VSX2: variants seen among roughly 807,000 people sequenced by gnomAD.
The protein encoded by VSX2 is ceh-10 homeo domain containing homolog.
A neutral mutation model predicts 32.1 loss-of-function variants in VSX2; 28 were observed. The ratio of observed to expected loss-of-function variants is 0.87; its 90% CI spans 0.65 to 1.20. VSX2 has a LOEUF of 1.20. VSX2 is among the 50% of genes most tolerant of loss of function. The probability of loss-of-function intolerance (pLI) is 0.00; values close to 1 mark genes in which losing one functional copy is unlikely to be tolerated. For synonymous variants in VSX2, 243 were observed against 214.1 expected (o/e 1.14, Z -1.18); for missense variants, 506 against 488.7 (o/e 1.04, Z -0.33).
At chr14:74,247,878 A>G (rs2079202451) in intron 3 of VSX2, among the ~76,000 whole-genome samples, 1 of 151,966 alleles carries the variant, frequency 6.6e-6, no homozygotes, top group Non-Finnish European at 1.5e-5. Context: ...CATGAATTCA[A>G]GAGGGTGAAA....
At chr14:74,260,311 G>C (rs1027338668) in intron 4 of VSX2, among the ~76,000 whole-genome samples, 1 of 152,198 alleles carries the variant, frequency 6.6e-6, no homozygotes, top group Non-Finnish European at 1.5e-5. Flanking sequence ...AATCCCATGG[G>C]GGAGGGACAG....
intron 3 of VSX2, among the ~76,000 whole-genome samples, chr14:74,250,872 C>T (rs1028203666): frequency 1.3e-5 from 2 of 151,862 alleles, no homozygotes; most frequent in Non-Finnish European, 2.9e-5. Context: ...TAGTCTCGAT[C>T]TCTTGACCTC....
chr14:74,245,456 G>T (rs2079186404), intron 3 of VSX2, among the ~76,000 whole-genome samples, 168 bp downstream of exon 3: 1 of 152,062 alleles, frequency 6.6e-6, no homozygotes, highest in Admixed American at 6.5e-5. Flanking sequence ...CACATGAGGT[G>T]GGTGCTGTCG....
chr14:74,244,678 A>G (rs575348397), intron 2 of VSX2, among the ~76,000 whole-genome samples: 6 of 151,594 alleles, frequency 4.0e-5, no homozygotes, highest in Admixed American at 6.6e-5. Context: ...GCTTGGGAGG[A>G]AGAGGGGCTT....
intron 3 of VSX2, among the ~76,000 whole-genome samples, chr14:74,253,308 C>CAGGAAAGTGAG: frequency 6.6e-6 from 1 of 152,026 alleles, no homozygotes; most frequent in South Asian, 2.1e-4. Context: ...AGTGAGCGGT[C>CAGGAAAGTGAG]AGGAAAGTGA....
chr14:74,260,116 AAC>A (rs1230509325), intron 4 of VSX2, among the ~76,000 whole-genome samples: 1 of 152,080 alleles, frequency 6.6e-6, no homozygotes, highest in Non-Finnish European at 1.5e-5. Flanking sequence ...TATTGAACAA[AAC>A]AGTCTTCCCT....
In VSX2 at chr14:74,252,037, T is replaced by C. The variant is rs562873232; in HGVS notation, c.579+6749T>C. Among the ~76,000 whole-genome samples the C allele has an allele frequency of 2.6e-5, 4 of 152,322 alleles. No individual in the cohort carries two copies. The East Asian group carries it at 7.7e-4, about 29-fold the overall frequency. Reference sequence around the variant, plus strand: ...CAGGAGGTATTTAGGAGGGCGATCCTGGAAGGACTGCAGAGGGTCTCCTGG... The same window carrying C: ...CAGGAGGTATTTAGGAGGGCGATCCCGGAAGGACTGCAGAGGGTCTCCTGG... On this transcript the variant is annotated intron_variant, in intron 3 of 4. Transcript: ENST00000261980.
intron 3 of VSX2, among the ~76,000 whole-genome samples, chr14:74,252,632 A>C (rs1405663477): frequency 6.6e-6 from 1 of 150,908 alleles, no homozygotes; most frequent in African/African-American, 2.4e-5. Context: ...CTTGTGATCC[A>C]CCCGACTCGG....
At chr14:74,259,501 C>G in intron 3 of VSX2, 101 bp from the exon 4 acceptor site, 2 of 1,466,314 alleles carry the variant, frequency 1.4e-6, no homozygotes, top group South Asian at 1.2e-5. Context: ...AGGTTAAGGA[C>G]GCCCTGCTGG....
intron 3 of VSX2, among the ~76,000 whole-genome samples, chr14:74,246,885 G>A (rs1472465756): frequency 6.6e-6 from 1 of 152,076 alleles, no homozygotes; most frequent in Non-Finnish European, 1.5e-5. Flanking sequence ...TTGGGGGCAG[G>A]CTCTCCCTCA....
chr14:74,241,205 G>T lies in VSX2; in HGVS notation c.394G>T (p.Asp132Tyr). The change falls in exon 2 of 5, where the codon GAT (aspartate) becomes TAT (tyrosine). Residue 132 changes from aspartate (D) to tyrosine (Y), a missense_variant. By Grantham distance (160) the Asp-to-Tyr change is radical (BLOSUM62 -3). Transcript: ENST00000261980. ...SSDSEDVSSS[D>Y]RKMSKSALNQ... ...AGATTCTGAAGATGTTTCCTCCAGC[G>T]ATCGAAAAATGTCCAAATCTGCTTT... 1.2e-6 allele frequency: 2 copies of T among 1,613,464 alleles called. No homozygotes were observed. Among genetic ancestry groups the T allele is most frequent in the Non-Finnish European group, 1.7e-6 (2 of 1,180,004 alleles).
chr14:74,247,363 C>T (rs1241047125), intron 3 of VSX2, among the ~76,000 whole-genome samples: 6 of 152,172 alleles, frequency 3.9e-5, no homozygotes, highest in Non-Finnish European at 7.3e-5. Context: ...GGCTCCTGGC[C>T]GGGCTTCACA....
intron 3 of VSX2, among the ~76,000 whole-genome samples, chr14:74,255,756 G>A (rs1394745992): frequency 1.3e-5 from 2 of 151,418 alleles, no homozygotes; most frequent in African/African-American, 4.9e-5. Context: ...CACTGGGTGG[G>A]TGGGGGCATC....
chr14:74,244,664 C>T (rs1313858432), intron 2 of VSX2, among the ~76,000 whole-genome samples: 3 of 152,036 alleles, frequency 2.0e-5, no homozygotes, highest in Non-Finnish European at 4.4e-5. Flanking sequence ...CCCCTCTTCT[C>T]TGTGCTTGGG....
Position 74,239,585 on chromosome 14 carries a change from G to A in VSX2, c.24G>A (p.Ala8=). Residue 8 remains alanine, a synonymous_variant, in exon 1 of 5, where the codon GCG becomes GCA. Transcript: ENST00000261980. The part of the protein sequence containing the change: MTGKAGE[A]LSKPKSETVA... Reference sequence around the variant, plus strand: ...AGATGACGGGGAAAGCAGGGGAAGCGCTGAGCAAGCCCAAATCCGAGACAG... The same window carrying A: ...AGATGACGGGGAAAGCAGGGGAAGCACTGAGCAAGCCCAAATCCGAGACAG... 1 of 1,551,376 alleles carries A rather than the reference G, an allele frequency of 6.4e-7. No individual in the cohort carries two copies. The highest frequency in any genetic ancestry group is 2.4e-5 in the East Asian group (1 of 40,906).
chr14:74,249,018 C>A (rs2079213170), intron 3 of VSX2, among the ~76,000 whole-genome samples: 1 of 152,214 alleles, frequency 6.6e-6, no homozygotes. Context: ...CCAAGAAACC[C>A]CTGCATGTCT....
At chr14:74,246,934 T>C (rs2079195970) in intron 3 of VSX2, among the ~76,000 whole-genome samples, 1 of 152,088 alleles carries the variant, frequency 6.6e-6, no homozygotes, top group Non-Finnish European at 1.5e-5. Flanking sequence ...AACAGGCACA[T>C]TTAACTTAAC....
chr14:74,244,945 AGTGTGTGTGTGTGTGTGTGT>A (rs59905689), intron 2 of VSX2, among the ~76,000 whole-genome samples, 200 bp from the exon 3 acceptor site: 54 of 60,070 alleles, frequency 9.0e-4, no homozygotes, highest in Non-Finnish European at 1.2e-3. Context: ...AGAGAGAGAA[AGTGTGTGTGTGTGTGTGTGT>A]GTGTGTGTGT....
intron 3 of VSX2, among the ~76,000 whole-genome samples, chr14:74,251,396 G>A (rs1243267507): frequency 6.6e-6 from 1 of 152,222 alleles, no homozygotes; most frequent in African/African-American, 2.4e-5. Context: ...GTTGCAGTGA[G>A]CCGAGATCGC....
Sources: allele counts gnomAD v4.1 joint callset (sites outside exome capture counted in the v4.1 genomes callset), GRCh38; gene constraint gnomAD v4.1.1; transcripts MANE v1.5; gene names NCBI Gene and HGNC (gene_info 2026-07-23, HGNC 2026-07-21).